The following ATG16L1 variants were observed in gnomAD, a reference collection of about 807,000 sequenced individuals.
ATG16L1 encodes the protein autophagy related 16 like 1.
A neutral mutation model predicts 88.5 loss-of-function variants in ATG16L1; 37 were observed. The observed-to-expected ratio is 0.42, with a 90% confidence interval of 0.32 to 0.55. The LOEUF is 0.55. Ranked by LOEUF, ATG16L1 falls within the 20% of genes least tolerant of loss-of-function variation. The probability of loss-of-function intolerance (pLI) is 0.13; values close to 1 mark genes in which losing one functional copy is unlikely to be tolerated. For missense variants in ATG16L1, 554 were observed against 752.8 expected, an observed-to-expected ratio of 0.74 and a Z score of 3.09; for synonymous variants, 301 against 281.0, an observed-to-expected ratio of 1.07 and a Z score of -0.71.
intron 14 of ATG16L1, 85 bp downstream of exon 14, chr2:233,290,438 A>C: frequency 9.2e-7 from 1 of 1,081,314 alleles, no homozygotes; most frequent in Non-Finnish European, 1.4e-6. Flanking sequence ...TTAAGATCTC[A>C]GGACATGGCA....
chr2:233,259,896 C>A (rs958184521), intron 2 of ATG16L1, among the ~76,000 whole-genome samples: 2 of 152,136 alleles, frequency 1.3e-5, no homozygotes, highest in Non-Finnish European at 2.9e-5. Flanking sequence ...TATTCCCAGA[C>A]TGTGGTGAGA....
At chr2:233,256,563 A>C (rs1309507448) in intron 2 of ATG16L1, among the ~76,000 whole-genome samples, 1 of 130,358 alleles carries the variant, frequency 7.7e-6, no homozygotes, top group Non-Finnish European at 1.7e-5. Flanking sequence ...TTAATGTAGG[A>C]TTGATTGGCA....
intron 8 of ATG16L1, 77 bp downstream of exon 8, chr2:233,273,854 T>C: frequency 2.6e-6 from 4 of 1,542,432 alleles, no homozygotes; most frequent in South Asian, 2.3e-5. Flanking sequence ...TTTTATTCTT[T>C]AAATGTACAC....
In ATG16L1 at chr2:233,286,623, T is replaced by A. The variant is rs1355284285; in HGVS notation, c.1204-3231T>A. Among the ~76,000 whole-genome samples the A allele has an allele frequency of 3.8e-5, 5 of 131,794 alleles. No individual in the cohort carries two copies. The South Asian group carries it at 8.5e-4, about 22-fold the overall frequency. The allele number at this position is 131,794 out of a possible 152,430, so 86.5% of individuals were successfully genotyped here. On this transcript the variant is annotated intron_variant, in intron 12 of 17. Coordinates refer to ENST00000392017, the MANE Select transcript of ATG16L1 (RefSeq NM_030803.7). ...AATAAGGTGAGCAGAAGCCCAAACT[T>A]TTTTTTTTTTTTTTTTTTTTGAGAC...
chr2:233,272,900 T>C (rs1698087563), intron 6 of ATG16L1, 66 bp from the exon 7 acceptor site: 2 of 1,389,220 alleles, frequency 1.4e-6, no homozygotes, highest in Non-Finnish European at 2.0e-6. Flanking sequence ...GACATTAGCA[T>C]TTGCGGAACC....
At chr2:233,256,268 T>C in intron 2 of ATG16L1, 73 bp downstream of exon 2, 1 of 1,292,522 alleles carries the variant, frequency 7.7e-7, no homozygotes, top group Non-Finnish European at 1.1e-6. Flanking sequence ...GTCACTTCTC[T>C]AATTTAAAAG....
intron 2 of ATG16L1, 124 bp downstream of exon 2, chr2:233,256,319 C>G: frequency 1.3e-6 from 1 of 795,030 alleles, no homozygotes; most frequent in Non-Finnish European, 2.0e-6. Flanking sequence ...TTTGTCAGCT[C>G]CTTTCAAATA....
intron 12 of ATG16L1, among the ~76,000 whole-genome samples, chr2:233,289,408 T>TGTGTGTGTGTGTGTGTGAGAGA (rs144316394): frequency 4.1e-4 from 61 of 149,648 alleles, no homozygotes; most frequent in African/African-American, 1.3e-3. Context: ...TGTGTGTGTG[T>TGTGTGTGTGTGTGTGTGAGAGA]GACAGGATCT....
intron 5 of ATG16L1, 27 bp from the exon 6 acceptor site, chr2:233,269,975 G>A: frequency 6.6e-7 from 1 of 1,519,724 alleles, no homozygotes; most frequent in East Asian, 2.3e-5. Flanking sequence ...CATAAATGGT[G>A]GGCTTTTTTT....
intron 17 of ATG16L1, 53 bp downstream of exon 17, chr2:233,293,410 CT>C: frequency 6.6e-7 from 1 of 1,507,730 alleles, no homozygotes; most frequent in Non-Finnish European, 9.2e-7. Context: ...AGGCCTTTGA[CT>C]TCATCTCAGG....
chr2:233,292,544 T>G (rs1465829886), intron 16 of ATG16L1, 110 bp downstream of exon 16: 10 of 1,338,702 alleles, frequency 7.5e-6, no homozygotes, highest in African/African-American at 2.9e-5. Context: ...CAACCTATGT[T>G]TCCAGGAGTG....
intron 4 of ATG16L1, among the ~76,000 whole-genome samples, chr2:233,264,332 G>A (rs1388984038): frequency 6.6e-6 from 1 of 152,240 alleles, no homozygotes; most frequent in African/African-American, 2.4e-5. Flanking sequence ...CAGCTCTCCT[G>A]TGGCCGCTGT....
At chr2:233,292,771 C>A (rs996737362) in intron 16 of ATG16L1, among the ~76,000 whole-genome samples, 1 of 152,200 alleles carries the variant, frequency 6.6e-6, no homozygotes, top group Non-Finnish European at 1.5e-5. Context: ...GGGCCTGGGG[C>A]GGGACTGAAA....
intron 13 of ATG16L1, 35 bp downstream of exon 13, chr2:233,290,009 C>T (rs759092191): frequency 6.2e-7 from 1 of 1,605,902 alleles, no homozygotes; most frequent in Non-Finnish European, 8.5e-7. Context: ...TGTGTATATG[C>T]TTAGATGTTA....
In ATG16L1 at chr2:233,277,670, G is replaced by A; in HGVS notation, c.1057G>A (p.Gly353Arg). Residue 353 changes from glycine (G) to arginine (R), a missense_variant, in exon 10 of 18, where the codon GGA becomes AGA. Physicochemically the swap from Gly to Arg is moderately radical, Grantham distance 125. This residue lies in a region of ATG16L1 where 370 missense variants were observed against 509.7 expected (regional missense o/e 0.73). Coordinates refer to ENST00000392017, the MANE Select transcript of ATG16L1 (RefSeq NM_030803.7). ...CAGGGTTAAGCTTTGGGAAGTATTTGGAGGTGAGAGCCTGCTGCATGTTCT... is the reference window on the plus strand; with the variant it reads ...CAGGGTTAAGCTTTGGGAAGTATTTAGAGGTGAGAGCCTGCTGCATGTTCT... ...DRRVKLWEVF[G>R]EKCEFKGSLS... The A allele has an allele frequency of 6.2e-7, 1 of 1,613,314 alleles. No individual in the cohort carries two copies. Among genetic ancestry groups the A allele is most frequent in the Non-Finnish European group, 8.5e-7 (1 of 1,179,362 alleles).
chr2:233,290,264 T>G lies in ATG16L1; in HGVS notation c.1341T>G (p.Phe447Leu). The change falls in exon 14 of 18, where the codon TTT (phenylalanine) becomes TTG (leucine). Residue 447 changes from phenylalanine (F) to leucine (L), a missense_variant. Phe to Leu is a conservative substitution (Grantham distance 22). Transcript: ENST00000392017. ...TTCTTTCAGGCATAAAGACAGTGTT[T>G]GCAGGATCCAGTTGCAATGATATTG... ...LRSKVCIKTVFAGSSCNDIVC... is the reference protein window; with the variant it reads ...LRSKVCIKTVLAGSSCNDIVC... The G allele has an allele frequency of 6.2e-7, 1 of 1,614,208 alleles. No homozygotes were observed. The highest frequency in any genetic ancestry group is 8.5e-7 in the Non-Finnish European group (1 of 1,180,028).
At chr2:233,275,583 C>G in intron 9 of ATG16L1, 2 of 408,600 alleles carry the variant, frequency 4.9e-6, no homozygotes, top group Non-Finnish European at 9.7e-6. Flanking sequence ...GCTAGTTACA[C>G]AGTGGACTGG....
chr2:233,264,778 C>T, intron 4 of ATG16L1, 114 bp from the exon 5 acceptor site: 1 of 1,395,468 alleles, frequency 7.2e-7, no homozygotes, highest in African/African-American at 1.4e-5. Flanking sequence ...GGGGATGGGC[C>T]TGGCTAAAAG....
chr2:233,292,052 C>CTTTTTT, intron 14 of ATG16L1, 76 bp from the exon 15 acceptor site: 1 of 1,544,434 alleles, frequency 6.5e-7, no homozygotes. Context: ...ATTGCAGTGC[C>CTTTTTT]TTTTTTTTCC....
Sources: gnomAD v4.1 joint callset for allele counts (sites outside exome capture counted in the v4.1 genomes callset) on GRCh38, gnomAD v4.1.1 for gene constraint, gnomAD v4.1.1 regional missense constraint, MANE v1.5 for transcripts, NCBI Gene and HGNC (gene_info 2026-07-23, HGNC 2026-07-21) for gene names.